Variants in PRKCQ observed in about 807,000 individuals in gnomAD.
PRKCQ encodes protein kinase C theta.
In PRKCQ, 41 loss-of-function variants were observed where a neutral mutation model predicts 91.2. That is an observed-to-expected ratio of 0.45 (90% CI 0.35 to 0.58). The LOEUF (loss-of-function observed/expected upper bound fraction) is 0.58, where lower values mean the gene tolerates loss of function less well. Among genes scored for constraint, PRKCQ ranks in the 20% least tolerant of loss-of-function variants. PRKCQ has a pLI of 0.00. For missense variants in PRKCQ, 673 were observed against 896.5 expected, an observed-to-expected ratio of 0.75 and a Z score of 3.18; for synonymous variants, 307 against 316.9, an observed-to-expected ratio of 0.97 and a Z score of 0.33.
intron 9 of PRKCQ, 121 bp downstream of exon 9, chr10:6,485,914 C>T (rs902677054): frequency 8.9e-6 from 7 of 790,748 alleles, no homozygotes; most frequent in Admixed American, 6.8e-5. Flanking sequence ...AGGGCAAGGC[C>T]GGTGCTCAGA....
At chr10:6,570,121 G>A (rs1840984438) in intron 1 of PRKCQ, among the ~76,000 whole-genome samples, 1 of 152,160 alleles carries the variant, frequency 6.6e-6, no homozygotes, top group Non-Finnish European at 1.5e-5. Context: ...GGATGCATGT[G>A]TGCTCACGGC....
chr10:6,414,774 T>C, the PRKCQ span, among the ~76,000 whole-genome samples: 1 of 142,436 alleles, frequency 7.0e-6, no homozygotes, highest in Non-Finnish European at 1.5e-5. Context: ...TCCAAGACCC[T>C]GAGATAAAAG....
chr10:6,419,016 T>G, the PRKCQ span, among the ~76,000 whole-genome samples: 1 of 146,070 alleles, frequency 6.8e-6, no homozygotes, highest in African/African-American at 2.5e-5. Context: ...GCTATCTATG[T>G]ATCTATCATC....
At chr10:6,506,651 T>C (rs1361676752) in intron 4 of PRKCQ, among the ~76,000 whole-genome samples, 1 of 152,210 alleles carries the variant, frequency 6.6e-6, no homozygotes, top group South Asian at 2.1e-4. Flanking sequence ...GATGTATTTG[T>C]TTGAATTTAG....
intron 1 of PRKCQ, among the ~76,000 whole-genome samples, chr10:6,569,611 G>A (rs1184980877): frequency 2.6e-5 from 4 of 152,218 alleles, no homozygotes; most frequent in East Asian, 1.9e-4. Context: ...GAAGAGAAAC[G>A]GTGCTGCCTG....
At chr10:6,433,894 G>C (rs1833544595) in intron 16 of PRKCQ, among the ~76,000 whole-genome samples, 1 of 151,900 alleles carries the variant, frequency 6.6e-6, no homozygotes, top group South Asian at 2.1e-4. Flanking sequence ...AGCCGGGTGT[G>C]GTGGTGGACG....
At chr10:6,454,115 A>G (rs1219650624) in intron 15 of PRKCQ, among the ~76,000 whole-genome samples, 1 of 152,194 alleles carries the variant, frequency 6.6e-6, no homozygotes, top group Non-Finnish European at 1.5e-5. Context: ...TAAACTATAT[A>G]TTATTGTTAG....
chr10:6,462,454 T>C, intron 13 of PRKCQ, 89 bp from the exon 14 acceptor site: 2 of 1,135,752 alleles, frequency 1.8e-6, no homozygotes, highest in South Asian at 2.6e-5. Context: ...TCTGACATGC[T>C]GTGTATGGCT....
At chr10:6,489,816 A>C (rs579050) in intron 8 of PRKCQ, among the ~76,000 whole-genome samples, 2 of 151,990 alleles carry the variant, frequency 1.3e-5, no homozygotes, top group African/African-American at 2.4e-5. Flanking sequence ...AAGAGTATTC[A>C]AGGAAAGAAA....
At chr10:6,420,516 A>ATGACCTATTTCCTCACTCCCGCCTTTT in the PRKCQ span, among the ~76,000 whole-genome samples, 1 of 152,178 alleles carries the variant, frequency 6.6e-6, no homozygotes, top group African/African-American at 2.4e-5. Context: ...CTCCCCTGAG[A>ATGACCTATTTCCTCACTCCCGCCTTTT]TGACCTATTT....
chr10:6,550,150 G>T (rs1271056439), intron 1 of PRKCQ, among the ~76,000 whole-genome samples: 1 of 152,184 alleles, frequency 6.6e-6, no homozygotes, highest in African/African-American at 2.4e-5. Context: ...CTCATAGGTA[G>T]AACGGGCAAT....
At chr10:6,553,516 AACAAACAAACAAAAG>A (rs1305320639) in intron 1 of PRKCQ, among the ~76,000 whole-genome samples, 80 of 147,396 alleles carry the variant, frequency 5.4e-4, no homozygotes, top group African/African-American at 2.0e-3. Flanking sequence ...AAAAAAAAAA[AACAAACAAACAAAAG>A]AAGAAGAAGA....
intron 15 of PRKCQ, 56 bp downstream of exon 15, chr10:6,456,618 A>G: frequency 6.3e-7 from 1 of 1,584,940 alleles, no homozygotes; most frequent in Non-Finnish European, 8.6e-7. Context: ...CTAAAGAAGC[A>G]ATGGCATGTG....
At chr10:6,486,850 C>T (rs1384011073) in intron 8 of PRKCQ, among the ~76,000 whole-genome samples, 3 of 152,204 alleles carry the variant, frequency 2.0e-5, no homozygotes. Context: ...GAGGCAGCCT[C>T]AGCCTGCAGA....
intron 4 of PRKCQ, among the ~76,000 whole-genome samples, chr10:6,506,804 G>C (rs1838222009): frequency 6.6e-6 from 1 of 152,186 alleles, no homozygotes; most frequent in Non-Finnish European, 1.5e-5. Flanking sequence ...TGTCCATGCT[G>C]TGACTTAGGA....
intron 1 of PRKCQ, among the ~76,000 whole-genome samples, chr10:6,527,029 C>G (rs116110067): frequency 1.3e-5 from 2 of 152,112 alleles, no homozygotes; most frequent in Non-Finnish European, 2.9e-5. Context: ...AGGAGCAGGG[C>G]GGCCTCAAGG....
At chr10:6,444,895 G>A (rs192404126) in intron 15 of PRKCQ, among the ~76,000 whole-genome samples, 15 of 152,008 alleles carry the variant, frequency 9.9e-5, no homozygotes, top group South Asian at 2.1e-4. Flanking sequence ...AGGCTGAGGC[G>A]GGTGGATCAC....
chr10:6,557,992 T>G (rs955519309), intron 1 of PRKCQ, among the ~76,000 whole-genome samples: 2 of 152,210 alleles, frequency 1.3e-5, no homozygotes, highest in Admixed American at 1.3e-4. Flanking sequence ...ACATTTTCTC[T>G]TAATAATTTC....
chr10:6,512,341 C>T lies in PRKCQ; in HGVS notation c.119-1147G>A, dbSNP rs1479042205. On this transcript the variant is annotated intron_variant, in intron 2 of 17. Transcript: ENST00000263125. ...CCCATGGAGCCAGCAAGGCTGAAGC[C>T]GACTGCCAGCCTGCAAGTGAGTAAA... is the stretch of plus-strand genomic sequence containing the variant. Among the ~76,000 whole-genome samples, 3 of 152,276 alleles carry T rather than the reference C, an allele frequency of 2.0e-5. No individual in the cohort carries two copies. In the East Asian group the frequency reaches 5.8e-4, roughly 29 times the overall value.
Sources: gnomAD v4.1 joint callset for allele counts (sites outside exome capture counted in the v4.1 genomes callset) on GRCh38, gnomAD v4.1.1 for gene constraint, MANE v1.5 for transcripts, NCBI Gene and HGNC (gene_info 2026-07-23, HGNC 2026-07-21) for gene names.